ADARB2: variants seen among roughly 807,000 people sequenced by gnomAD.
The protein encoded by ADARB2 is inactive double-stranded RNA-specific editase B2.
In ADARB2, 25 loss-of-function variants were observed where a neutral mutation model predicts 62.2. The observed-to-expected ratio is 0.40, with a 90% CI of 0.29 to 0.56. The LOEUF (loss-of-function observed/expected upper bound fraction) is 0.56, where lower values mean the gene tolerates loss of function less well. Ranked by LOEUF, ADARB2 falls within the 20% of genes least tolerant of loss-of-function variation. The pLI is 0.43. For synonymous variants in ADARB2, 572 were observed against 500.8 expected, an observed-to-expected ratio of 1.14 and a Z score of -1.90; for missense variants, 1,071 against 1,077.4, an observed-to-expected ratio of 0.99 and a Z score of 0.08.
At chr10:1,549,660 A>G (rs1349819382) in intron 1 of ADARB2, among the ~76,000 whole-genome samples, 1 of 151,754 alleles carries the variant, frequency 6.6e-6, no homozygotes, top group East Asian at 1.9e-4. Flanking sequence ...AACGCAATGC[A>G]CTCTTCCTCC....
chr10:1,543,944 A>T lies in ADARB2; in HGVS notation c.101-164784T>A, dbSNP rs568373743. ...ATCTCTTGCAAAATGGGACCTTAAC[A>T]TGTTTGTGATGGTCCACAGATAGCT... On this transcript the variant is annotated intron_variant, in intron 1 of 9. Transcript: ENST00000381312. 2.0e-5 allele frequency among the ~76,000 whole-genome samples: 3 copies of T among 148,256 alleles called. No homozygotes were observed. In the Admixed American group the frequency reaches 2.1e-4, roughly 10 times the overall value.
At chr10:1,558,599 C>G (rs1832741779) in intron 1 of ADARB2, among the ~76,000 whole-genome samples, 1 of 132,908 alleles carries the variant, frequency 7.5e-6, no homozygotes, top group Non-Finnish European at 1.7e-5. Flanking sequence ...TGTGGGTGCT[C>G]AGCCCCTGCA....
chr10:1,374,605 C>A (rs577512797), intron 2 of ADARB2, among the ~76,000 whole-genome samples: 1 of 152,308 alleles, frequency 6.6e-6, no homozygotes, highest in South Asian at 2.1e-4. Context: ...CCGGGTGGGT[C>A]TGCCCTCCCT....
chr10:1,326,752 G>T (rs1831851312), intron 3 of ADARB2, among the ~76,000 whole-genome samples: 1 of 147,874 alleles, frequency 6.8e-6, no homozygotes. Context: ...CCTCCCGACG[G>T]CACGGCGCCT....
At chr10:1,250,987 G>T (rs1229881762) in intron 4 of ADARB2, among the ~76,000 whole-genome samples, 3 of 152,164 alleles carry the variant, frequency 2.0e-5, no homozygotes. Context: ...AAACCACTGA[G>T]GCAAAGAGAG....
At chr10:1,724,436 G>A (rs181676034) in intron 1 of ADARB2, among the ~76,000 whole-genome samples, 89 of 152,280 alleles carry the variant, frequency 5.8e-4, no homozygotes, top group Admixed American at 2.0e-3. Flanking sequence ...GTTTATCTTC[G>A]TTCCCAAGGG....
chr10:1,225,894 C>T (rs375594700), intron 6 of ADARB2, among the ~76,000 whole-genome samples: 6 of 151,762 alleles, frequency 4.0e-5, no homozygotes, highest in African/African-American at 1.2e-4. Flanking sequence ...TGTCTTGGAG[C>T]TGCTCTTCTC....
chr10:1,682,593 C>T (rs1043616898), intron 1 of ADARB2, among the ~76,000 whole-genome samples: 2 of 152,120 alleles, frequency 1.3e-5, no homozygotes, highest in Non-Finnish European at 2.9e-5. Flanking sequence ...GTGTAATTTC[C>T]GAATGGCAAC....
At chr10:1,314,384 G>A (rs1234730848) in intron 3 of ADARB2, among the ~76,000 whole-genome samples, 2 of 152,164 alleles carry the variant, frequency 1.3e-5, no homozygotes, top group Non-Finnish European at 2.9e-5. Context: ...GACTATAGCT[G>A]GGGGCCCTAA....
chr10:1,350,362 C>G (rs1048406286), intron 3 of ADARB2, among the ~76,000 whole-genome samples: 3 of 152,134 alleles, frequency 2.0e-5, no homozygotes, highest in African/African-American at 7.2e-5. Context: ...TTCTACAGAC[C>G]CATCTGACCC....
chr10:1,671,900 G>A (rs985906506), intron 1 of ADARB2, among the ~76,000 whole-genome samples: 1 of 151,858 alleles, frequency 6.6e-6, no homozygotes, highest in African/African-American at 2.4e-5. Flanking sequence ...GGGGGGAGTG[G>A]GGTGTCTGTA....
chr10:1,515,306 C>T (rs1280873524), intron 1 of ADARB2, among the ~76,000 whole-genome samples: 4 of 152,182 alleles, frequency 2.6e-5, no homozygotes, highest in Admixed American at 1.3e-4. Flanking sequence ...GAACCTGGTG[C>T]CCGTTGGCTG....
At chr10:1,384,771 G>A (rs1277440655) in intron 1 of ADARB2, among the ~76,000 whole-genome samples, 1 of 152,170 alleles carries the variant, frequency 6.6e-6, no homozygotes, top group Non-Finnish European at 1.5e-5. Flanking sequence ...TAGAATTTGA[G>A]GGCAGAAGGA....
chr10:1,660,765 T>TAAA (rs1300619593), intron 1 of ADARB2, among the ~76,000 whole-genome samples: 4 of 152,226 alleles, frequency 2.6e-5, no homozygotes, highest in African/African-American at 9.7e-5. Flanking sequence ...TGATCCGCAC[T>TAAA]GTGTCAGTAT....
chr10:1,603,158 C>G (rs1471823093), intron 1 of ADARB2, among the ~76,000 whole-genome samples: 1 of 86,622 alleles, frequency 1.2e-5, no homozygotes, highest in Non-Finnish European at 2.6e-5. Context: ...CACCTGTACA[C>G]ACATTAACAC....
At chr10:1,340,652 C>T (rs376326672) in intron 3 of ADARB2, among the ~76,000 whole-genome samples, 18 of 38,072 alleles carry the variant, frequency 4.7e-4, no homozygotes, top group African/African-American at 9.8e-4. Flanking sequence ...CGGCAATAAC[C>T]GGCATCCACC....
rs529494053 is a variant in ADARB2, at chr10:1,608,183, C to T, written c.100+128868G>A. Among the ~76,000 whole-genome samples, 12 of 152,262 alleles carry T rather than the reference C, an allele frequency of 7.9e-5. 1 individual carries two copies. Among genetic ancestry groups the T allele is most frequent in the Admixed American group, 3.9e-4 (6 of 15,302 alleles). On this transcript the variant is annotated intron_variant, in intron 1 of 9. Transcript: ENST00000381312. The stretch of plus-strand genomic sequence containing the variant: ...TAAAAGTCTGTGCCAACGTCTGGAG[C>T]GGGGTTTGGAAAGTCCATAAGATAT...
At chr10:1,246,994 C>A (rs1371911931) in intron 4 of ADARB2, among the ~76,000 whole-genome samples, 12 of 152,014 alleles carry the variant, frequency 7.9e-5, no homozygotes, top group Admixed American at 6.6e-4. Context: ...TTGTTTGTAT[C>A]CTCCTTTATT....
chr10:1,268,252 T>C (rs1831225510), intron 4 of ADARB2, among the ~76,000 whole-genome samples: 1 of 152,170 alleles, frequency 6.6e-6, no homozygotes, highest in Non-Finnish European at 1.5e-5. Flanking sequence ...TAGAGGTGGC[T>C]TCTGAGAGTG....
Sources: gnomAD v4.1 joint callset for allele counts (sites outside exome capture counted in the v4.1 genomes callset) on GRCh38, gnomAD v4.1.1 for gene constraint, MANE v1.5 for transcripts, NCBI Gene and HGNC (gene_info 2026-07-23, HGNC 2026-07-21) for gene names.